ELP6: variants seen among roughly 807,000 people sequenced by gnomAD.
ELP6 encodes elongator complex protein 6.
Under a neutral mutation model 28.1 loss-of-function variants are expected in ELP6, and 23 were observed. The ratio of observed to expected loss-of-function variants is 0.82; its 90% confidence interval spans 0.59 to 1.16. The LOEUF is 1.16. Among genes scored for constraint, ELP6 ranks in the 50% most tolerant of loss-of-function variants. The probability of loss-of-function intolerance (pLI) is 0.00; values close to 1 mark genes in which losing one functional copy is unlikely to be tolerated. For missense variants in ELP6, 313 were observed against 334.6 expected (o/e 0.94, Z 0.50); for synonymous variants, 132 against 135.8 (o/e 0.97, Z 0.19).
At chr3:47,496,424 T>C in intron 6 of ELP6, 4 of 981,972 alleles carry the variant, frequency 4.1e-6, no homozygotes, top group Non-Finnish European at 4.8e-6. Context: ...ATACAGAAAA[T>C]GTGAAAGAGG....
intron 3 of ELP6, among the ~76,000 whole-genome samples, chr3:47,507,189 C>G (rs899744212): frequency 1.5e-4 from 22 of 151,442 alleles, no homozygotes; most frequent in African/African-American, 5.3e-4. Context: ...ATGGTAAAAC[C>G]CTGTCTCTAT....
chr3:47,510,087 A>T, intron 3 of ELP6, 97 bp downstream of exon 3: 1 of 993,824 alleles, frequency 1.0e-6, no homozygotes, highest in Non-Finnish European at 1.6e-6. Flanking sequence ...CTCTTTTGCT[A>T]AGTTCTGTAC....
intron 3 of ELP6, among the ~76,000 whole-genome samples, chr3:47,505,980 T>G (rs914944159): frequency 1.3e-5 from 2 of 152,224 alleles, no homozygotes; most frequent in African/African-American, 4.8e-5. Flanking sequence ...CCTGCCCCGA[T>G]AGTCACGTAG....
intron 3 of ELP6, among the ~76,000 whole-genome samples, chr3:47,508,830 T>A: frequency 6.7e-6 from 1 of 150,240 alleles, no homozygotes; most frequent in Non-Finnish European, 1.5e-5. Context: ...AGTGGCGTGA[T>A]CTCAGCTCAC....
intron 3 of ELP6, 45 bp from the exon 4 acceptor site, chr3:47,504,493 C>A (rs1256388015): frequency 1.9e-6 from 3 of 1,547,780 alleles, no homozygotes; most frequent in Non-Finnish European, 2.6e-6. Context: ...TGTAGGGGAA[C>A]CCATCAGACT....
chr3:47,502,380 C>T (rs1708690508), intron 4 of ELP6: 1 of 971,280 alleles, frequency 1.0e-6, no homozygotes. Context: ...CATCCCACTG[C>T]ACTCCAACCT....
In ELP6 at chr3:47,504,438, A is replaced by G. The variant is rs1348764364; in HGVS notation, c.215T>C (p.Leu72Pro). 6.2e-7 allele frequency: 1 copy of G among 1,606,464 alleles called. No individual in the cohort carries two copies. Among genetic ancestry groups the G allele is most frequent in the East Asian group, 2.2e-5 (1 of 44,556 alleles). ...SIVGQKLGVS[L>P]TMARERGQLV... is the part of the protein sequence containing the mutation. ...CTGCCCACGCTCCCGCGCCATGGTC[A>G]GGCTGACACCCTAAACATGAAAAAG... is the stretch of plus-strand genomic sequence containing the variant. Residue 72 changes from leucine to proline, a missense_variant, in exon 4 of 7, where the codon CTG becomes CCG. By Grantham distance (98) the Leu-to-Pro change is moderately conservative. Transcript: ENST00000296149.
At chr3:47,509,430 G>A (rs548128589) in intron 3 of ELP6, among the ~76,000 whole-genome samples, 5 of 152,314 alleles carry the variant, frequency 3.3e-5, no homozygotes, top group South Asian at 2.1e-4. Context: ...GAAGTTCATC[G>A]GCCTTTTGGC....
In ELP6 at chr3:47,500,259, C is replaced by T. The variant is rs986262526; in HGVS notation, c.525+1391G>A. The T allele has an allele frequency of 1.5e-5, 16 of 1,039,952 alleles. No individual in the cohort carries two copies. In the African/African-American group the frequency reaches 2.6e-4, roughly 17 times the overall value. 64.4% of individuals were successfully genotyped at this position (1,039,952 alleles called of 1,614,324 possible). ...AGCGAACAGTGTGGATGGCAGGTTA[C>T]CAGTAATGTGAAGAAAAATGCAGGG... On this transcript the variant is annotated intron_variant, in intron 5 of 6. Transcript: ENST00000296149.
At chr3:47,505,107 A>C (rs1708788615) in intron 3 of ELP6, among the ~76,000 whole-genome samples, 1 of 151,132 alleles carries the variant, frequency 6.6e-6, no homozygotes, top group Admixed American at 6.6e-5. Flanking sequence ...TCTCTACTAA[A>C]AATACAAAAA....
rs1235596918 is a variant in ELP6, at chr3:47,501,694, C to G, written c.481G>C (p.Asp161His). 1 of 1,614,040 alleles carries G rather than the reference C, an allele frequency of 6.2e-7. No homozygotes were observed. Among genetic ancestry groups the G allele is most frequent in the Non-Finnish European group, 8.5e-7 (1 of 1,179,994 alleles). ...GTGGCTCTGCAGTAGTGAATGAAGT[C>G]TAGCACAGCCACCGCCCCCATGCCC... ...SLGMGAVAVLDFIHYCRATVC... is the reference protein window; with the variant it reads ...SLGMGAVAVLHFIHYCRATVC... Residue 161 changes from aspartate (D) to histidine (H), a missense_variant, in exon 5 of 7, where the codon GAC becomes CAC. Transcript: ENST00000296149.
intron 1 of ELP6, chr3:47,512,991 C>T (rs943904993): frequency 5.4e-6 from 5 of 928,554 alleles, no homozygotes; most frequent in Middle Eastern, 1.1e-3. Context: ...TTCCCAGGTA[C>T]TTTTTTTTTT....
At chr3:47,499,235 G>T (rs762173254) in intron 5 of ELP6, among the ~76,000 whole-genome samples, 4 of 152,118 alleles carry the variant, frequency 2.6e-5, no homozygotes, top group Non-Finnish European at 5.9e-5. Flanking sequence ...AGTAATAAAA[G>T]GCTGGGCACG....
intron 3 of ELP6, among the ~76,000 whole-genome samples, chr3:47,505,120 A>T (rs1206428228): frequency 6.6e-6 from 1 of 151,986 alleles, no homozygotes; most frequent in African/African-American, 2.4e-5. Flanking sequence ...TACAAAAATT[A>T]GCCAGGCGTG....
At chr3:47,499,378 G>A (rs1051046451) in intron 5 of ELP6, among the ~76,000 whole-genome samples, 8 of 152,130 alleles carry the variant, frequency 5.3e-5, no homozygotes, top group Non-Finnish European at 8.8e-5. Flanking sequence ...ATTTAGCCGG[G>A]CATGGTGGCA....
intron 1 of ELP6, chr3:47,511,505 A>G (rs1709016905): frequency 3.3e-6 from 4 of 1,208,044 alleles, no homozygotes; most frequent in Non-Finnish European, 4.1e-6. Flanking sequence ...TCTCTTCCTC[A>G]CTTCTCATGT....
At chr3:47,512,772 A>G (rs1320128719) in intron 1 of ELP6, 4 of 941,300 alleles carry the variant, frequency 4.2e-6, no homozygotes, top group Non-Finnish European at 5.1e-6. Flanking sequence ...GAAGAACAGC[A>G]GCGTTCAATA....
intron 5 of ELP6, 142 bp downstream of exon 5, chr3:47,501,508 G>T: frequency 1.3e-6 from 1 of 745,838 alleles, no homozygotes. Context: ...AAAACAGGGT[G>T]GCTGCAAAAG....
At chr3:47,497,938 A>C (rs1708526808) in intron 6 of ELP6, 1 of 985,034 alleles carries the variant, frequency 1.0e-6, no homozygotes, top group Non-Finnish European at 1.2e-6. Flanking sequence ...CTAAAAAAAA[A>C]AGGAACAGTG....
Sources: allele counts gnomAD v4.1 joint callset (sites outside exome capture counted in the v4.1 genomes callset), GRCh38; gene constraint gnomAD v4.1.1; transcripts MANE v1.5; gene names NCBI Gene and HGNC (gene_info 2026-07-23, HGNC 2026-07-21).